The following P4HA1 variants were observed in gnomAD, a reference collection of about 807,000 sequenced individuals.
The protein encoded by P4HA1 is prolyl 4-hydroxylase subunit alpha 1, also known as prolyl 4-hydroxylase subunit alpha-1.
P4HA1 carries 24 observed loss-of-function variants against 72.8 expected under a neutral mutation model. The observed-to-expected ratio is 0.33, with a 90% confidence interval of 0.24 to 0.46. The LOEUF (loss-of-function observed/expected upper bound fraction) is 0.46, where lower values mean the gene tolerates loss of function less well. Ranked by LOEUF, P4HA1 falls within the 20% of genes least tolerant of loss-of-function variation. P4HA1 has a pLI of 1.00. For missense variants in P4HA1, 446 were observed against 640.6 expected, an observed-to-expected ratio of 0.70 and a Z score of 3.28; for synonymous variants, 201 against 218.8, an observed-to-expected ratio of 0.92 and a Z score of 0.72.
chr10:73,080,258 C>T lies in P4HA1; in HGVS notation c.-32-5343G>A, dbSNP rs140082447. ...ACATTATTCCAAACTAACATGCCTA[C>T]CCAAGCTAGATAATAAAAATGAAGA... On this transcript the variant is annotated intron_variant, in intron 1 of 14. Transcript: ENST00000394890. Among the ~76,000 whole-genome samples the T allele has an allele frequency of 4.8e-3, 726 of 152,296 alleles. 6 individuals carry two copies. The highest frequency in any genetic ancestry group is 0.023 in the South Asian group (113 of 4,820).
intron 1 of P4HA1, among the ~76,000 whole-genome samples, chr10:73,079,414 T>C (rs563939233): frequency 1.3e-5 from 2 of 152,160 alleles, no homozygotes; most frequent in South Asian, 4.2e-4. Flanking sequence ...GCTACCGCAC[T>C]CTAGCCTGGG....
chr10:73,037,571 A>ATATT (rs1238501206), intron 9 of P4HA1, among the ~76,000 whole-genome samples: 5 of 30,614 alleles, frequency 1.6e-4, no homozygotes, highest in Non-Finnish European at 2.9e-4. Context: ...ATATATATAT[A>ATATT]TTTTTTTTTT....
rs560245045 is a variant in P4HA1 at position 73,023,593 on chromosome 10, GA to G, written c.1248+6677del. Reference sequence around the variant, plus strand: ...CTATGAAGAAACCGCATCAATTAACGAGCAAAATAACCAGCGAACATCATAA... The same window carrying G: ...CTATGAAGAAACCGCATCAATTAACGGCAAAATAACCAGCGAACATCATAA... On this transcript the variant is annotated intron_variant, in intron 10 of 14. Coordinates refer to ENST00000394890, the MANE Select transcript of P4HA1 (RefSeq NM_001017962.3). Among the ~76,000 whole-genome samples, 19 of 152,184 alleles carry G rather than the reference GA, an allele frequency of 1.2e-4. No individual in the cohort carries two copies. The South Asian group carries it at 3.9e-3, about 32-fold the overall frequency.
intron 5 of P4HA1, among the ~76,000 whole-genome samples, chr10:73,058,767 T>C (rs530859757): frequency 3.3e-5 from 5 of 149,838 alleles, no homozygotes; most frequent in Admixed American, 6.6e-5. Context: ...ACAGTATTTA[T>C]AGTATGCTTT....
At chr10:73,077,487 T>C (rs973849418) in intron 1 of P4HA1, among the ~76,000 whole-genome samples, 1 of 152,224 alleles carries the variant, frequency 6.6e-6, no homozygotes, top group African/African-American at 2.4e-5. Flanking sequence ...TTCGAATAGC[T>C]TGAAAATATT....
chr10:73,094,010 G>C (rs1435403859), intron 1 of P4HA1, among the ~76,000 whole-genome samples: 3 of 147,324 alleles, frequency 2.0e-5, no homozygotes, highest in Non-Finnish European at 4.5e-5. Flanking sequence ...CAAGATTCAA[G>C]ATCTCACTGC....
At chr10:73,065,198 C>T (rs1841391352) in intron 5 of P4HA1, 1 of 151,584 alleles carries the variant, frequency 6.6e-6, no homozygotes. Flanking sequence ...ATGACATTTT[C>T]TATTACTGAC....
At chr10:73,025,396 G>T (rs2133053133) in intron 10 of P4HA1, among the ~76,000 whole-genome samples, 1 of 152,250 alleles carries the variant, frequency 6.6e-6, no homozygotes, top group South Asian at 2.1e-4. Flanking sequence ...TGCAGAAAAG[G>T]CCTTTGACAA....
chr10:73,045,156 A>C (rs1452400197), intron 8 of P4HA1, 105 bp from the exon 9 acceptor site: 1 of 848,992 alleles, frequency 1.2e-6, no homozygotes, highest in Admixed American at 2.2e-5. Flanking sequence ...GGCTAAAAAG[A>C]GAAAATAACT....
chr10:73,026,879 G>A (rs575769303), intron 10 of P4HA1, among the ~76,000 whole-genome samples: 5 of 152,304 alleles, frequency 3.3e-5, no homozygotes, highest in African/African-American at 4.8e-5. Context: ...AGAGAAATGC[G>A]AAGCAAAACC....
At chr10:73,086,198 G>A (rs1841920400) in intron 1 of P4HA1, among the ~76,000 whole-genome samples, 1 of 152,202 alleles carries the variant, frequency 6.6e-6, no homozygotes, top group Non-Finnish European at 1.5e-5. Flanking sequence ...AAAGAAATGA[G>A]AACACATGCC....
rs112616762 is a variant in P4HA1, at chr10:73,032,848, T to C, written c.1149-2478A>G. On this transcript the variant is annotated intron_variant, in intron 9 of 14. Coordinates refer to ENST00000394890, the MANE Select transcript of P4HA1 (RefSeq NM_001017962.3). ...GAGAAAGACATGGAGAAGAAAGAAGTTTTTACTAATCATTACCAACATGAA... is the reference window on the plus strand; with the variant it reads ...GAGAAAGACATGGAGAAGAAAGAAGCTTTTACTAATCATTACCAACATGAA... 1.8e-4 allele frequency among the ~76,000 whole-genome samples: 27 copies of C among 152,132 alleles called. 1 individual carries two copies. Among genetic ancestry groups the C allele is most frequent in the African/African-American group, 6.0e-4 (25 of 41,482 alleles).
chr10:73,046,862 T>A lies in P4HA1; in HGVS notation c.1077+63A>T. The A allele has an allele frequency of 3.2e-6, 4 of 1,247,576 alleles. No individual in the cohort carries two copies. In the South Asian group the frequency reaches 4.0e-5, roughly 13 times the overall value. 77.3% of individuals were successfully genotyped at this position (1,247,576 alleles called of 1,614,324 possible). A position where few individuals can be genotyped will look rare whatever the true frequency, so the allele number is the denominator to read the frequency against. Reference sequence around the variant, plus strand: ...TCGTATATCAATTATCCTATTTTTTTACAAAGAAAAATTGATACAAAGGTA... The same window carrying A: ...TCGTATATCAATTATCCTATTTTTTAACAAAGAAAAATTGATACAAAGGTA... On this transcript the variant is annotated intron_variant, in intron 8 of 14. Transcript: ENST00000394890.
At chr10:73,077,701 C>T (rs1486094352) in intron 1 of P4HA1, among the ~76,000 whole-genome samples, 2 of 151,848 alleles carry the variant, frequency 1.3e-5, no homozygotes, top group African/African-American at 4.8e-5. Flanking sequence ...AAGAAAATGC[C>T]TGGGCACAGT....
At chr10:73,011,578 G>C (rs1032780439) in intron 12 of P4HA1, among the ~76,000 whole-genome samples, 1 of 151,786 alleles carries the variant, frequency 6.6e-6, no homozygotes, top group Non-Finnish European at 1.5e-5. Context: ...GAAAGTTAAA[G>C]GATTATATAA....
intron 6 of P4HA1, 40 bp downstream of exon 6, chr10:73,053,311 C>T (rs1412116201): frequency 3.1e-6 from 5 of 1,587,604 alleles, no homozygotes; most frequent in East Asian, 2.2e-5. Context: ...ATATATCCCT[C>T]AATATAACTA....
At chr10:73,064,016 A>G (rs370396096) in intron 5 of P4HA1, among the ~76,000 whole-genome samples, 10 of 152,202 alleles carry the variant, frequency 6.6e-5, no homozygotes, top group African/African-American at 2.2e-4. Flanking sequence ...ATAAAAAGCA[A>G]ACCGAGTTTG....
chr10:73,014,593 C>T (rs1460413616), intron 11 of P4HA1, among the ~76,000 whole-genome samples: 2 of 152,070 alleles, frequency 1.3e-5, no homozygotes, highest in Non-Finnish European at 2.9e-5. Context: ...GATGACTGAA[C>T]TTGTATACTG....
chr10:73,085,956 T>TG (rs375644610), intron 1 of P4HA1, among the ~76,000 whole-genome samples: 379 of 152,222 alleles, frequency 2.5e-3, no homozygotes, highest in African/African-American at 8.7e-3. Flanking sequence ...ATTGCACCTG[T>TG]GAATGGCCAC....
Sources: allele counts gnomAD v4.1 joint callset (sites outside exome capture counted in the v4.1 genomes callset), GRCh38; gene constraint gnomAD v4.1.1; transcripts MANE v1.5; gene names NCBI Gene and HGNC (gene_info 2026-07-23, HGNC 2026-07-21).